The following ZFHX3 variants were observed in gnomAD, a reference collection of about 807,000 sequenced individuals.
ZFHX3 encodes the protein zinc finger homeobox 3.
In ZFHX3, 42 loss-of-function variants were observed where a neutral mutation model predicts 279.1. That is an observed-to-expected ratio of 0.15 (90% CI 0.12 to 0.19). The LOEUF is 0.19. Ranked by LOEUF, ZFHX3 falls within the 10% of genes least tolerant of loss-of-function variation. The pLI, the probability that ZFHX3 is intolerant of heterozygous loss-of-function variation, is 1.00. For synonymous variants in ZFHX3, 2,293 were observed against 1,957.8 expected (o/e 1.17, Z -4.52); for missense variants, 4,981 against 4,754.0 (o/e 1.05, Z -1.40).
At chr16:72,839,648 C>T (rs1403093407) in intron 4 of ZFHX3, among the ~76,000 whole-genome samples, 2 of 151,736 alleles carry the variant, frequency 1.3e-5, no homozygotes, top group African/African-American at 4.8e-5. Context: ...CAAAAAAAAG[C>T]TGGAGTTGAT....
chr16:73,525,737 G>A (rs549913286), intron 2 of ZFHX3, among the ~76,000 whole-genome samples: 2 of 152,190 alleles, frequency 1.3e-5, no homozygotes, highest in Non-Finnish European at 2.9e-5. Flanking sequence ...AGAGACCAAG[G>A]AAGGGTTCAG....
In ZFHX3 at chr16:73,728,160, C is replaced by T. The variant is rs112526299; in HGVS notation, c.-1607-47920G>A. On this transcript the variant is annotated intron_variant, in intron 1 of 17. Coordinates refer to the ZFHX3 transcript ENST00000641206. The stretch of plus-strand genomic sequence containing the variant: ...ATGGACTTAATTCCAATCTGACTGA[C>T]GTTCTTATAAGAAAAGGAGATTTGG... Among the ~76,000 whole-genome samples, 292 of 151,926 alleles carry T rather than the reference C, an allele frequency of 1.9e-3. 5 individuals carry two copies. Among genetic ancestry groups the T allele is most frequent in the Middle Eastern group, 0.01 (3 of 294 alleles).
chr16:73,019,679 C>T (rs906803852), intron 1 of ZFHX3, among the ~76,000 whole-genome samples: 1 of 152,192 alleles, frequency 6.6e-6, no homozygotes, highest in African/African-American at 2.4e-5. Context: ...TCACGACGCG[C>T]AGGAAGCAAC....
intron 1 of ZFHX3, among the ~76,000 whole-genome samples, chr16:73,882,382 G>C (rs971807429): frequency 6.6e-6 from 1 of 152,088 alleles, no homozygotes; most frequent in Non-Finnish European, 1.5e-5. Context: ...AAAGCTAAAA[G>C]TAAAGAACTA....
At chr16:73,007,608 G>A (rs909974888) in intron 1 of ZFHX3, among the ~76,000 whole-genome samples, 11 of 151,950 alleles carry the variant, frequency 7.2e-5, no homozygotes, top group Non-Finnish European at 1.2e-4. Context: ...CACCGCACCC[G>A]GCTGATTTTT....
chr16:73,477,483 T>C (rs2018784357), intron 2 of ZFHX3, among the ~76,000 whole-genome samples: 1 of 152,140 alleles, frequency 6.6e-6, no homozygotes, highest in African/African-American at 2.4e-5. Context: ...AATGCAAAAC[T>C]GGTATTGTAA....
intron 3 of ZFHX3, among the ~76,000 whole-genome samples, chr16:73,413,392 T>G (rs1049796095): frequency 6.6e-6 from 1 of 152,032 alleles, no homozygotes; most frequent in African/African-American, 2.4e-5. Context: ...AAGAGTGAGT[T>G]GGGACTGTGT....
Position 73,427,405 on chromosome 16 carries a change from T to G in ZFHX3, c.-1291+28598A>C, listed in dbSNP as rs139160024. ...CTGCCTCTGGCTTTTGTCCTCACTGTGTGTGTATCGGCAGCCTGCCTGCCA... is the reference window on the plus strand; with the variant it reads ...CTGCCTCTGGCTTTTGTCCTCACTGGGTGTGTATCGGCAGCCTGCCTGCCA... On this transcript the variant is annotated intron_variant, in intron 3 of 17. Transcript: ENST00000641206. 6.9e-3 allele frequency among the ~76,000 whole-genome samples: 1,044 copies of G among 152,290 alleles called. 17 individuals are homozygous for G. Among genetic ancestry groups the G allele is most frequent in the African/African-American group, 0.024 (991 of 41,562 alleles).
intron 2 of ZFHX3, among the ~76,000 whole-genome samples, chr16:73,538,499 T>C (rs1438483400): frequency 6.6e-6 from 1 of 152,200 alleles, no homozygotes; most frequent in African/African-American, 2.4e-5. Flanking sequence ...GACATCTCCC[T>C]GAAAAAGTCA....
intron 2 of ZFHX3, among the ~76,000 whole-genome samples, chr16:73,501,679 G>C (rs1347902384): frequency 1.3e-5 from 2 of 152,202 alleles, no homozygotes; most frequent in East Asian, 3.9e-4. Flanking sequence ...GAACATCTTA[G>C]AGCAGGACTC....
chr16:73,532,203 G>A (rs2019817367), intron 2 of ZFHX3, among the ~76,000 whole-genome samples: 1 of 151,980 alleles, frequency 6.6e-6, no homozygotes. Context: ...CGTGTTATGG[G>A]AGGGACCCCA....
chr16:73,070,301 A>G (rs1965806490), intron 8 of ZFHX3, among the ~76,000 whole-genome samples: 2 of 152,186 alleles, frequency 1.3e-5, no homozygotes, highest in South Asian at 4.1e-4. Flanking sequence ...CGGCCGTGCA[A>G]TTCATCCTTA....
At chr16:73,460,988 C>G (rs1395432296) in intron 2 of ZFHX3, among the ~76,000 whole-genome samples, 1 of 152,196 alleles carries the variant, frequency 6.6e-6, no homozygotes, top group Non-Finnish European at 1.5e-5. Flanking sequence ...CCTCTCTTCT[C>G]TTTATAAATT....
intron 3 of ZFHX3, among the ~76,000 whole-genome samples, chr16:73,417,029 G>C (rs112342983): frequency 3.9e-5 from 6 of 152,150 alleles, no homozygotes; most frequent in African/African-American, 1.4e-4. Context: ...GGGACTATCA[G>C]TTATAAGCCA....
intron 2 of ZFHX3, among the ~76,000 whole-genome samples, chr16:73,649,337 T>A (rs886674254): frequency 1.3e-5 from 2 of 152,210 alleles, no homozygotes; most frequent in African/African-American, 4.8e-5. Context: ...TCTATTGTTC[T>A]CTACTCAACA....
intron 3 of ZFHX3, chr16:73,400,492 G>T (rs1210492107): frequency 6.6e-6 from 1 of 152,190 alleles, no homozygotes. Context: ...CTCCACGGGG[G>T]TCAGTCTGAC....
At chr16:73,166,827 C>CT (rs1270342474) in intron 5 of ZFHX3, among the ~76,000 whole-genome samples, 3 of 152,148 alleles carry the variant, frequency 2.0e-5, no homozygotes, top group Non-Finnish European at 4.4e-5. Context: ...TGATTTGAGC[C>CT]TTTTCAGAGT....
intron 1 of ZFHX3, among the ~76,000 whole-genome samples, chr16:72,985,706 C>T (rs1297436859): frequency 1.3e-5 from 2 of 152,138 alleles, no homozygotes; most frequent in African/African-American, 4.8e-5. Flanking sequence ...TTCTCCTGGA[C>T]GCTCTCAGAT....
chr16:73,037,187 G>A (rs1390606514), intron 1 of ZFHX3, among the ~76,000 whole-genome samples: 1 of 152,204 alleles, frequency 6.6e-6, no homozygotes, highest in East Asian at 1.9e-4. Context: ...CACAAAGTTT[G>A]GGAGTATTTT....
Sources: gnomAD v4.1 joint callset for allele counts (sites outside exome capture counted in the v4.1 genomes callset) on GRCh38, gnomAD v4.1.1 for gene constraint, MANE v1.5 for transcripts, NCBI Gene and HGNC (gene_info 2026-07-23, HGNC 2026-07-21) for gene names.